WNT1: variants seen among roughly 807,000 people sequenced by gnomAD.
The protein encoded by WNT1 is Wnt family member 1, also known as proto-oncogene Wnt-1.
A neutral mutation model predicts 21.3 loss-of-function variants in WNT1; 10 were observed. The observed-to-expected ratio is 0.47, with a 90% CI of 0.29 to 0.80. WNT1 has a LOEUF of 0.80. Among genes scored for constraint, WNT1 ranks in the 30% least tolerant of loss-of-function variants. The probability of loss-of-function intolerance (pLI) is 0.09; values close to 1 mark genes in which losing one functional copy is unlikely to be tolerated. For synonymous variants in WNT1, 208 were observed against 236.3 expected (o/e 0.88, Z 1.10); for missense variants, 476 against 534.1 (o/e 0.89, Z 1.07).
In WNT1 at chr12:48,980,359, C is replaced by G; in HGVS notation, c.359-65C>G. ...GGGGGTGGGATTCCGGTCCCAAGCC[C>G]TTCATGAGGGTGCTGGCCGCGCCCC... On this transcript the variant is annotated intron_variant, in intron 2 of 3. Transcript: ENST00000293549. This position sits in a 1 kb window ranked among gnomAD's most constrained non-coding sequence, Gnocchi z 7.0. 1 of 1,595,088 alleles carries G rather than the reference C, an allele frequency of 6.3e-7. No homozygotes were observed. Among genetic ancestry groups the G allele is most frequent in the Non-Finnish European group, 8.6e-7 (1 of 1,166,132 alleles).
chr12:48,980,598 G>A lies in WNT1; in HGVS notation c.533G>A (p.Arg178His). ...GGCSDNIDFG[R>H]LFGREFVDSG... The stretch of plus-strand genomic sequence containing the variant: ...TGCAGCGACAACATTGACTTCGGCC[G>A]CCTCTTCGGCCGGGAGTTCGTGGAC... The change falls in exon 3 of 4, where the codon CGC becomes CAC. Residue 178 changes from arginine (R) to histidine (H), a missense_variant. Coordinates refer to ENST00000293549, the MANE Select transcript of WNT1 (RefSeq NM_005430.4). This position sits in a 1 kb window ranked among gnomAD's most constrained non-coding sequence, Gnocchi z 7.0. 6.2e-7 allele frequency: 1 copy of A among 1,603,824 alleles called. No homozygotes were observed.
Position 48,980,178 on chromosome 12 carries a change from G to A in WNT1, c.359-246G>A, listed in dbSNP as rs1429736080. On this transcript the variant is annotated intron_variant, in intron 2 of 3. Transcript: ENST00000293549. This position sits in a 1 kb window ranked among gnomAD's most constrained non-coding sequence, Gnocchi z 7.0. ...GTCTCTCTGGGGCTGCTCCACTTCC[G>A]CTATCGAGCCAAAATGCGCCCTAGA... Among the ~76,000 whole-genome samples, 1 of 152,208 alleles carries A rather than the reference G, an allele frequency of 6.6e-6. No individual in the cohort carries two copies. The highest frequency in any genetic ancestry group is 1.5e-5 in the Non-Finnish European group (1 of 68,042).
chr12:48,982,472 T>G lies in WNT1; in HGVS notation c.*832T>G, dbSNP rs1255704483. ...CTTCTCTCCTTTCTCCCTGCAGCCT[T>G]TTCTGGTCCCTCTTCTCTCCTCAGT... On this transcript the variant is annotated 3_prime_UTR_variant, in exon 4 of 4. Transcript: ENST00000293549. Among the ~76,000 whole-genome samples, 1 of 152,134 alleles carries G rather than the reference T, an allele frequency of 6.6e-6. No homozygotes were observed. The highest frequency in any genetic ancestry group is 2.4e-5 in the African/African-American group (1 of 41,440).
Position 48,981,997 on chromosome 12 carries a change from G to A in WNT1, c.*357G>A, listed in dbSNP as rs546021965. ...GGTGTCATTCTGCCTGCTCCATCGCGCCAGCGACCTCTCTGCCTCTCTTCT... is the reference window on the plus strand; with the variant it reads ...GGTGTCATTCTGCCTGCTCCATCGCACCAGCGACCTCTCTGCCTCTCTTCT... On this transcript the variant is annotated 3_prime_UTR_variant, in exon 4 of 4. Coordinates refer to ENST00000293549, the MANE Select transcript of WNT1 (RefSeq NM_005430.4). This position sits in a 1 kb window ranked among gnomAD's most constrained non-coding sequence, Gnocchi z 7.4. Among the ~76,000 whole-genome samples the A allele has an allele frequency of 2.6e-5, 4 of 152,264 alleles. No individual in the cohort carries two copies. The highest frequency in any genetic ancestry group is 6.5e-5 in the Admixed American group (1 of 15,304).
Position 48,979,408 on chromosome 12 carries a change from G to A in WNT1, c.105-60G>A, listed in dbSNP as rs1292533943. ...CCCAGGAAGAGGACCGGGTGGCACA[G>A]TTTTTATGGTTAGGGTGCGGATCCC... On this transcript the variant is annotated intron_variant, in intron 1 of 3. Transcript: ENST00000293549. This position sits in a 1 kb window ranked among gnomAD's most constrained non-coding sequence, Gnocchi z 6.0. The A allele has an allele frequency of 3.9e-6, 6 of 1,538,506 alleles. No homozygotes were observed. The East Asian group carries it at 1.4e-4, about 35-fold the overall frequency.
In WNT1 at chr12:48,980,369, G is replaced by T; in HGVS notation, c.359-55G>T. ...TTCCGGTCCCAAGCCCTTCATGAGG[G>T]TGCTGGCCGCGCCCCGCGTACCCCC... On this transcript the variant is annotated intron_variant, in intron 2 of 3. Coordinates refer to ENST00000293549, the MANE Select transcript of WNT1 (RefSeq NM_005430.4). The surrounding 1 kb of genome is among the most constrained non-coding windows in gnomAD (Gnocchi z 7.0). 1 of 1,605,338 alleles carries T rather than the reference G, an allele frequency of 6.2e-7. No homozygotes were observed. Among genetic ancestry groups the T allele is most frequent in the African/African-American group, 1.3e-5 (1 of 74,856 alleles).
At position 48,982,510 on chromosome 12, in the gene WNT1, C is replaced by T. The variant is rs142431608; in HGVS notation, c.*870C>T. ...TTCTCTCCTCAGTTTCTCAAAGATG[C>T]GTTTGCCTCCTGGAATCAGTATTTC... is the stretch of plus-strand genomic sequence containing the variant. On this transcript the variant is annotated 3_prime_UTR_variant, in exon 4 of 4. Transcript: ENST00000293549. Among the ~76,000 whole-genome samples the T allele has an allele frequency of 2.6e-5, 4 of 152,278 alleles. No homozygotes were observed. The highest frequency in any genetic ancestry group is 2.1e-4 in the South Asian group (1 of 4,824).
chr12:48,978,803 G>T lies in WNT1; in HGVS notation c.104+49G>T. 2.2e-6 allele frequency: 3 copies of T among 1,343,316 alleles called. No homozygotes were observed. The highest frequency in any genetic ancestry group is 3.1e-6 in the Non-Finnish European group (3 of 973,110). The allele number at this position is 1,343,316 out of a possible 1,614,324, so 83.2% of individuals were successfully genotyped here. On this transcript the variant is annotated intron_variant, in intron 1 of 3. Transcript: ENST00000293549. The surrounding 1 kb of genome is among the most constrained non-coding windows in gnomAD (Gnocchi z 7.4). ...CCACTTGTCCCGCGGCACAGAGCCA[G>T]GGGCCAACCCTACCCAGCTCCCACG...
Position 48,980,385 on chromosome 12 carries a change from G to A in WNT1, c.359-39G>A, listed in dbSNP as rs1008939111. On this transcript the variant is annotated intron_variant, in intron 2 of 3. Transcript: ENST00000293549. This position sits in a 1 kb window ranked among gnomAD's most constrained non-coding sequence, Gnocchi z 7.0. ...TTCATGAGGGTGCTGGCCGCGCCCC[G>A]CGTACCCCCTCGCTGATCCCCGCTC... 1.2e-6 allele frequency: 2 copies of A among 1,612,710 alleles called. No homozygotes were observed. Among genetic ancestry groups the A allele is most frequent in the Admixed American group, 3.3e-5 (2 of 59,944 alleles).
chr12:48,980,571 G>T lies in WNT1; in HGVS notation c.506G>T (p.Gly169Val). The change falls in exon 3 of 4, where the codon GGC becomes GTC. Residue 169 changes from glycine (G) to valine (V), a missense_variant. By Grantham distance (109) the Gly-to-Val change is moderately radical. Transcript: ENST00000293549. The surrounding 1 kb of genome is among the most constrained non-coding windows in gnomAD (Gnocchi z 7.0). Reference sequence around the variant, plus strand: ...GGGGGCCCCGACTGGCACTGGGGGGGCTGCAGCGACAACATTGACTTCGGC... The same window carrying T: ...GGGGGCCCCGACTGGCACTGGGGGGTCTGCAGCGACAACATTGACTTCGGC... ...GPGGPDWHWG[G>V]CSDNIDFGRL... 1 of 1,609,384 alleles carries T rather than the reference G, an allele frequency of 6.2e-7. No individual in the cohort carries two copies. The highest frequency in any genetic ancestry group is 8.5e-7 in the Non-Finnish European group (1 of 1,177,976).
rs375172611 is a variant in WNT1, at chr12:48,979,560, G to T, written c.197G>T (p.Arg66Leu). ...GAGCCCAGTCTGCAGCTGTTGAGCC[G>T]CAAACAGCGGCGTCTGATACGCCAA... is the stretch of plus-strand genomic sequence containing the variant. ...VLEPSLQLLS[R>L]KQRRLIRQNP... The change falls in exon 2 of 4, where the codon CGC (arginine) becomes CTC (leucine). Residue 66 changes from arginine to leucine, a missense_variant. By Grantham distance (102) the Arg-to-Leu change is moderately radical. Coordinates refer to ENST00000293549, the MANE Select transcript of WNT1 (RefSeq NM_005430.4). This position sits in a 1 kb window ranked among gnomAD's most constrained non-coding sequence, Gnocchi z 6.0. The T allele has an allele frequency of 1.2e-6, 2 of 1,614,076 alleles. No individual in the cohort carries two copies. Among genetic ancestry groups the T allele is most frequent in the Non-Finnish European group, 1.7e-6 (2 of 1,180,042 alleles).
In WNT1 at chr12:48,979,344, G is replaced by T; in HGVS notation, c.105-124G>T. The T allele has an allele frequency of 7.9e-7, 1 of 1,267,712 alleles. No homozygotes were observed. Among genetic ancestry groups the T allele is most frequent in the East Asian group, 2.4e-5 (1 of 42,362 alleles). The allele number at this position is 1,267,712 out of a possible 1,614,324, so 78.5% of individuals were successfully genotyped here. ...CAAATTAGTGAGCCTGGGAGAGCGG[G>T]TATTATTAATCTCCCGCCATTCTCT... On this transcript the variant is annotated intron_variant, in intron 1 of 3. Transcript: ENST00000293549. The surrounding 1 kb of genome is among the most constrained non-coding windows in gnomAD (Gnocchi z 6.0).
Position 48,978,606 on chromosome 12 carries a change from A to C in WNT1, c.-45A>C, listed in dbSNP as rs1370790170. 1 of 1,443,288 alleles carries C rather than the reference A, an allele frequency of 6.9e-7. No individual in the cohort carries two copies. The highest frequency in any genetic ancestry group is 1.9e-5 in the Admixed American group (1 of 51,396). The allele number at this position is 1,443,288 out of a possible 1,614,324, so 89.4% of individuals were successfully genotyped here. A position where few individuals can be genotyped will look rare whatever the true frequency, so the allele number is the denominator to read the frequency against. On this transcript the variant is annotated 5_prime_UTR_variant, in exon 1 of 4. Transcript: ENST00000293549. This position sits in a 1 kb window ranked among gnomAD's most constrained non-coding sequence, Gnocchi z 7.4. ...GTCCCACCGTCGCGGGCAACAACCA[A>C]AGTCGCCGCAACTGCAGCACAGAGC...
At position 48,978,584 on chromosome 12, in the gene WNT1, C is replaced by T; in HGVS notation, c.-67C>T. 2 of 1,196,326 alleles carry T rather than the reference C, an allele frequency of 1.7e-6. No individual in the cohort carries two copies. The highest frequency in any genetic ancestry group is 2.0e-5 in the Admixed American group (1 of 50,124). 74.1% of individuals were successfully genotyped at this position (1,196,326 alleles called of 1,614,324 possible). On this transcript the variant is annotated 5_prime_UTR_variant, in exon 1 of 4. Coordinates refer to ENST00000293549, the MANE Select transcript of WNT1 (RefSeq NM_005430.4). This position sits in a 1 kb window ranked among gnomAD's most constrained non-coding sequence, Gnocchi z 7.4. ...ACTGCCGCCACCGCCGCGTCCCGTC[C>T]CACCGTCGCGGGCAACAACCAAAGT... is the stretch of plus-strand genomic sequence containing the variant.
chr12:48,980,500 A>T lies in WNT1; in HGVS notation c.435A>T (p.Glu145Asp). The T allele has an allele frequency of 1.2e-6, 2 of 1,614,170 alleles. No individual in the cohort carries two copies. Among genetic ancestry groups the T allele is most frequent in the South Asian group, 2.2e-5 (2 of 91,084 alleles). ...ATTCGGTGGCGCGCTCCTGCTCAGA[A>T]GGTTCCATCGAATCCTGCACGTGTG... ...VTHSVARSCSEGSIESCTCDY... is the reference protein window; with the variant it reads ...VTHSVARSCSDGSIESCTCDY... Residue 145 changes from glutamate (E) to aspartate (D), a missense_variant, in exon 3 of 4, where the codon GAA (glutamate) becomes GAT (aspartate). Glu to Asp is a conservative substitution (Grantham distance 45). Transcript: ENST00000293549. This position sits in a 1 kb window ranked among gnomAD's most constrained non-coding sequence, Gnocchi z 7.0.
Position 48,979,410 on chromosome 12 carries a change from T to G in WNT1, c.105-58T>G. On this transcript the variant is annotated intron_variant, in intron 1 of 3. Transcript: ENST00000293549. This position sits in a 1 kb window ranked among gnomAD's most constrained non-coding sequence, Gnocchi z 6.0. ...CAGGAAGAGGACCGGGTGGCACAGT[T>G]TTTATGGTTAGGGTGCGGATCCCCT... is the stretch of plus-strand genomic sequence containing the variant. 1 of 1,537,312 alleles carries G rather than the reference T, an allele frequency of 6.5e-7. No individual in the cohort carries two copies. The highest frequency in any genetic ancestry group is 8.8e-7 in the Non-Finnish European group (1 of 1,139,482).
rs921899860 is a variant in WNT1, at chr12:48,978,432, C to T, written c.-219C>T. 5.2e-6 allele frequency: 3 copies of T among 575,500 alleles called. No individual in the cohort carries two copies. Among genetic ancestry groups the T allele is most frequent in the Non-Finnish European group, 9.2e-6 (3 of 325,060 alleles). 35.6% of individuals were successfully genotyped at this position (575,500 alleles called of 1,614,324 possible). A position where few individuals can be genotyped will look rare whatever the true frequency, so the allele number is the denominator to read the frequency against. ...GGGCAGCCTCCTCCCGTCACTTCAGCCAGCGCCGCAACTATAAGAGGCGGT... is the reference window on the plus strand; with the variant it reads ...GGGCAGCCTCCTCCCGTCACTTCAGTCAGCGCCGCAACTATAAGAGGCGGT... On this transcript the variant is annotated 5_prime_UTR_variant, in exon 1 of 4. Transcript: ENST00000293549. The surrounding 1 kb of genome is among the most constrained non-coding windows in gnomAD (Gnocchi z 7.4).
rs973074545 is a variant in WNT1 at position 48,979,339 on chromosome 12, A to T, written c.105-129A>T. The T allele has an allele frequency of 1.3e-4, 157 of 1,225,526 alleles. No individual in the cohort carries two copies. The highest frequency in any genetic ancestry group is 1.2e-4 in the Non-Finnish European group (106 of 888,426). 75.9% of individuals were successfully genotyped at this position (1,225,526 alleles called of 1,614,324 possible). A position where few individuals can be genotyped will look rare whatever the true frequency, so the allele number is the denominator to read the frequency against. On this transcript the variant is annotated intron_variant, in intron 1 of 3. Coordinates refer to ENST00000293549, the MANE Select transcript of WNT1 (RefSeq NM_005430.4). This position sits in a 1 kb window ranked among gnomAD's most constrained non-coding sequence, Gnocchi z 6.0. Reference sequence around the variant, plus strand: ...TCTTTCAAATTAGTGAGCCTGGGAGAGCGGGTATTATTAATCTCCCGCCAT... The same window carrying T: ...TCTTTCAAATTAGTGAGCCTGGGAGTGCGGGTATTATTAATCTCCCGCCAT...
Position 48,982,215 on chromosome 12 carries a change from C to T in WNT1, c.*575C>T, listed in dbSNP as rs867267614. Among the ~76,000 whole-genome samples the T allele has an allele frequency of 4.6e-5, 7 of 152,258 alleles. No individual in the cohort carries two copies. Among genetic ancestry groups the T allele is most frequent in the Non-Finnish European group, 7.4e-5 (5 of 68,012 alleles). On this transcript the variant is annotated 3_prime_UTR_variant, in exon 4 of 4. Coordinates refer to ENST00000293549, the MANE Select transcript of WNT1 (RefSeq NM_005430.4). ...GAGGTTGGGGGAACCAGCAGAAATGCCCCCATTCTCCCAGTCTCTGTCGTG... is the reference window on the plus strand; with the variant it reads ...GAGGTTGGGGGAACCAGCAGAAATGTCCCCATTCTCCCAGTCTCTGTCGTG...
Sources: gnomAD v4.1 joint callset for allele counts (sites outside exome capture counted in the v4.1 genomes callset) on GRCh38, gnomAD v4.1.1 for gene constraint, Gnocchi (gnomAD v3.1) non-coding constraint, MANE v1.5 for transcripts, NCBI Gene and HGNC (gene_info 2026-07-23, HGNC 2026-07-21) for gene names.